The following DCC variants were observed in gnomAD, a reference collection of about 807,000 sequenced individuals.
DCC encodes DCC netrin 1 receptor, also known as netrin receptor DCC.
A neutral mutation model predicts 172.5 loss-of-function variants in DCC; 58 were observed. The ratio of observed to expected loss-of-function variants is 0.34; its 90% confidence interval spans 0.27 to 0.42. The LOEUF (loss-of-function observed/expected upper bound fraction) is 0.42, where lower values mean the gene tolerates loss of function less well. DCC is among the 10% of genes least tolerant of loss of function. The pLI, the probability that DCC is intolerant of heterozygous loss-of-function variation, is 1.00. For synonymous variants in DCC, 709 were observed against 644.5 expected (o/e 1.10, Z -1.52); for missense variants, 1,740 against 1,791.0 (o/e 0.97, Z 0.51).
intron 7 of DCC, among the ~76,000 whole-genome samples, chr18:53,127,516 A>G (rs937896043): frequency 4.6e-5 from 7 of 152,042 alleles, no homozygotes; most frequent in African/African-American, 1.2e-4. Context: ...AATGTTGCCT[A>G]TGGGAGGGTG....
chr18:52,815,383 C>T (rs936682829), intron 2 of DCC, among the ~76,000 whole-genome samples: 9 of 148,836 alleles, frequency 6.0e-5, no homozygotes, highest in African/African-American at 2.0e-4. Context: ...GATAGTAGAG[C>T]GCTCACTTGC....
intron 7 of DCC, among the ~76,000 whole-genome samples, chr18:53,150,557 G>A (rs1008129832): frequency 6.6e-6 from 1 of 152,260 alleles, no homozygotes; most frequent in East Asian, 1.9e-4. Flanking sequence ...CGGATTGTTG[G>A]AGTCCAGGGA....
rs537043109 is a variant in DCC, at chr18:52,619,264, T to C, written c.92-132790T>C. Among the ~76,000 whole-genome samples the C allele has an allele frequency of 1.9e-3, 283 of 152,354 alleles. 1 individual carries two copies. Among genetic ancestry groups the C allele is most frequent in the African/African-American group, 6.6e-3 (273 of 41,572 alleles). On this transcript the variant is annotated intron_variant, in intron 1 of 28. Transcript: ENST00000442544. ...CTGGCCATTCTATTTTGTATAAATA[T>C]GTTTGAAAATTTTGTTTAGGAAAGA...
chr18:52,869,117 A>T (rs1415307005), intron 2 of DCC, among the ~76,000 whole-genome samples: 2 of 152,230 alleles, frequency 1.3e-5, no homozygotes, highest in Non-Finnish European at 2.9e-5. Flanking sequence ...AATGTGGCAA[A>T]TGGGTCATAT....
At chr18:52,786,434 C>A (rs9956873) in intron 2 of DCC, among the ~76,000 whole-genome samples, 3 of 151,902 alleles carry the variant, frequency 2.0e-5, no homozygotes, top group African/African-American at 7.3e-5. Flanking sequence ...TGGAGCATAA[C>A]TTTTATCTCT....
At chr18:52,506,425 TAATA>T (rs1408430340) in intron 1 of DCC, among the ~76,000 whole-genome samples, 2 of 152,098 alleles carry the variant, frequency 1.3e-5, no homozygotes, top group Admixed American at 6.5e-5. Flanking sequence ...TGGAATACAG[TAATA>T]AATAAAAGGT....
chr18:53,375,947 C>A (rs191450287), intron 15 of DCC, among the ~76,000 whole-genome samples: 3 of 151,984 alleles, frequency 2.0e-5, no homozygotes, highest in Admixed American at 6.6e-5. Flanking sequence ...GAGGAGAAAA[C>A]CTGAACTTAA....
chr18:53,182,665 G>T (rs2055214595), intron 9 of DCC, among the ~76,000 whole-genome samples: 1 of 152,130 alleles, frequency 6.6e-6, no homozygotes, highest in African/African-American at 2.4e-5. Flanking sequence ...AACATAAAAT[G>T]CCATTTTGGC....
At chr18:52,606,973 G>T (rs1317508341) in intron 1 of DCC, among the ~76,000 whole-genome samples, 1 of 152,122 alleles carries the variant, frequency 6.6e-6, no homozygotes, top group Non-Finnish European at 1.5e-5. Flanking sequence ...GAAGGGAAAA[G>T]AACTTTGTAT....
intron 5 of DCC, among the ~76,000 whole-genome samples, chr18:52,995,065 C>T (rs1957670972): frequency 6.6e-6 from 1 of 152,116 alleles, no homozygotes; most frequent in African/African-American, 2.4e-5. Context: ...CCTAAATTAA[C>T]ATGAATTTAA....
chr18:52,723,505 C>T (rs2036503517), intron 1 of DCC, among the ~76,000 whole-genome samples: 1 of 152,144 alleles, frequency 6.6e-6, no homozygotes, highest in Non-Finnish European at 1.5e-5. Flanking sequence ...GCAGGTTTGG[C>T]TTCAGCCGTC....
intron 1 of DCC, among the ~76,000 whole-genome samples, chr18:52,529,015 G>A (rs1184395445): frequency 6.6e-6 from 1 of 152,078 alleles, no homozygotes; most frequent in Non-Finnish European, 1.5e-5. Context: ...AGAGGCTGGG[G>A]ACTTTCTAAG....
intron 17 of DCC, among the ~76,000 whole-genome samples, chr18:53,393,797 CAA>C (rs1162566889): frequency 6.6e-6 from 1 of 152,148 alleles, no homozygotes; most frequent in African/African-American, 2.4e-5. Flanking sequence ...CTGAATCTCA[CAA>C]AGAGTGCCTG....
chr18:53,082,638 A>G (rs72917331), intron 7 of DCC, among the ~76,000 whole-genome samples: 13,265 of 152,166 alleles, frequency 0.087, 752 homozygotes, highest in Non-Finnish European at 0.13. Context: ...TAAATTAGTA[A>G]CTATGGGTAT....
chr18:52,487,836 A>AG (rs2030304409), intron 1 of DCC, among the ~76,000 whole-genome samples: 1 of 147,808 alleles, frequency 6.8e-6, no homozygotes, highest in Non-Finnish European at 1.5e-5. Flanking sequence ...AAAAAAAAAA[A>AG]TTGGAGGAAG....
chr18:52,671,191 A>C (rs193058434), intron 1 of DCC, among the ~76,000 whole-genome samples: 2,495 of 152,304 alleles, frequency 0.016, 57 homozygotes, highest in African/African-American at 0.056. Context: ...AGTTCTTCAT[A>C]ATCCAAGACA....
intron 15 of DCC, among the ~76,000 whole-genome samples, chr18:53,362,997 C>G (rs1021368039): frequency 6.6e-6 from 1 of 152,088 alleles, no homozygotes; most frequent in African/African-American, 2.4e-5. Context: ...CACAATGTAC[C>G]TAAAAGGAGG....
At chr18:53,308,940 G>A (rs746977187) in intron 13 of DCC, among the ~76,000 whole-genome samples, 21 of 152,214 alleles carry the variant, frequency 1.4e-4, no homozygotes, top group Non-Finnish European at 2.6e-4. Flanking sequence ...TGGGGTTACC[G>A]GCAGTCCCTG....
At chr18:53,132,555 C>T (rs966601137) in intron 7 of DCC, among the ~76,000 whole-genome samples, 5 of 152,088 alleles carry the variant, frequency 3.3e-5, no homozygotes, top group Non-Finnish European at 7.4e-5. Flanking sequence ...GTCAAAGATG[C>T]TTTATCCCAA....
Sources: gnomAD v4.1 joint callset for allele counts (sites outside exome capture counted in the v4.1 genomes callset) on GRCh38, gnomAD v4.1.1 for gene constraint, MANE v1.5 for transcripts, NCBI Gene and HGNC (gene_info 2026-07-23, HGNC 2026-07-21) for gene names.